Variants in ARMH4 observed in about 807,000 individuals in gnomAD.
The protein encoded by ARMH4 is armadillo like helical domain containing 4.
A neutral mutation model predicts 61.9 loss-of-function variants in ARMH4; 49 were observed. The observed-to-expected ratio is 0.79, with a 90% CI of 0.63 to 1.00. ARMH4 has a LOEUF of 1.00. Among genes scored for constraint, ARMH4 ranks in the 50% least tolerant of loss-of-function variants. The pLI is 0.00. For missense variants in ARMH4, 934 were observed against 930.0 expected (o/e 1.00, Z -0.06); for synonymous variants, 368 against 341.5 (o/e 1.08, Z -0.85).
intron 5 of ARMH4, among the ~76,000 whole-genome samples, chr14:58,081,624 C>A (rs1438299373): frequency 1.3e-5 from 2 of 151,950 alleles, no homozygotes; most frequent in African/African-American, 2.4e-5. Flanking sequence ...CCTCAGCCTC[C>A]CAAGTAGCTG....
chr14:58,134,666 T>C (rs1206642391), intron 2 of ARMH4, among the ~76,000 whole-genome samples: 1 of 152,070 alleles, frequency 6.6e-6, no homozygotes, highest in African/African-American at 2.4e-5. Flanking sequence ...AAAGTTTTTA[T>C]TAATGACAGG....
chr14:58,129,655 T>A (rs1887022188), intron 4 of ARMH4, among the ~76,000 whole-genome samples: 1 of 152,190 alleles, frequency 6.6e-6, no homozygotes, highest in Admixed American at 6.5e-5. Flanking sequence ...AGGAGTCTAG[T>A]AGGTTGATTT....
At chr14:58,104,086 A>G (rs1886088474) in intron 4 of ARMH4, among the ~76,000 whole-genome samples, 1 of 152,204 alleles carries the variant, frequency 6.6e-6, no homozygotes, top group Non-Finnish European at 1.5e-5. Flanking sequence ...CTTGGAGGAC[A>G]CTGCTAGGGT....
chr14:58,074,955 T>C (rs1354746900), intron 5 of ARMH4, among the ~76,000 whole-genome samples: 1 of 152,162 alleles, frequency 6.6e-6, no homozygotes, highest in East Asian at 1.9e-4. Context: ...TGTGGCTTTA[T>C]ATATTAAGAG....
At chr14:58,013,324 T>C (rs545214491) in intron 5 of ARMH4, among the ~76,000 whole-genome samples, 1 of 152,362 alleles carries the variant, frequency 6.6e-6, no homozygotes, top group East Asian at 1.9e-4. Context: ...TTTATGGATA[T>C]TAAAATTTGA....
intron 6 of ARMH4, 123 bp from the exon 7 acceptor site, chr14:58,005,305 A>G (rs1489340290): frequency 2.4e-6 from 3 of 1,257,228 alleles, no homozygotes; most frequent in Non-Finnish European, 1.1e-6. Flanking sequence ...CTTTGTTGTA[A>G]GATAAAACTA....
rs1156774772 is a variant in ARMH4 at position 58,138,852 on chromosome 14, A to C, written c.507T>G (p.Phe169Leu). 6.2e-7 allele frequency: 1 copy of C among 1,614,240 alleles called. No homozygotes were observed. Among genetic ancestry groups the C allele is most frequent in the East Asian group, 2.2e-5 (1 of 44,884 alleles). The change falls in exon 2 of 8, where the codon TTT becomes TTG. Residue 169 changes from phenylalanine (F) to leucine (L), a missense_variant. Transcript: ENST00000267485. ...CTGTGATCTCTTCTACAATGGGCTG[A>C]AAGTTAGTGCTTGTAAGGAGTTCCT... Reference protein sequence around the residue: ...EKEELLTSTNFQPIVEEITET... With the variant: ...EKEELLTSTNLQPIVEEITET...
intron 5 of ARMH4, among the ~76,000 whole-genome samples, chr14:58,029,520 C>A (rs554706224): frequency 6.6e-6 from 1 of 152,260 alleles, no homozygotes; most frequent in African/African-American, 2.4e-5. Flanking sequence ...AGGTGTGAGC[C>A]ACCGTGCCCG....
chr14:58,063,490 T>A (rs969748305), intron 5 of ARMH4, among the ~76,000 whole-genome samples: 2 of 152,324 alleles, frequency 1.3e-5, no homozygotes, highest in Middle Eastern at 3.4e-3. Flanking sequence ...AGAAGATTCA[T>A]GTGTTCTTTT....
At chr14:58,044,600 C>A (rs1472815647) in intron 5 of ARMH4, among the ~76,000 whole-genome samples, 2 of 152,090 alleles carry the variant, frequency 1.3e-5, no homozygotes, top group Non-Finnish European at 2.9e-5. Flanking sequence ...ACAACAAAAG[C>A]CAAAATTGAC....
intron 5 of ARMH4, among the ~76,000 whole-genome samples, chr14:58,046,072 T>G (rs1883926415): frequency 6.6e-6 from 1 of 152,224 alleles, no homozygotes; most frequent in Admixed American, 6.5e-5. Flanking sequence ...ATTTCTCTTG[T>G]AAGCCACCCA....
At chr14:58,110,096 T>A (rs1358902887) in intron 4 of ARMH4, among the ~76,000 whole-genome samples, 1 of 152,168 alleles carries the variant, frequency 6.6e-6, no homozygotes, top group African/African-American at 2.4e-5. Context: ...GGGATTACAA[T>A]TCAAGATGAG....
intron 5 of ARMH4, among the ~76,000 whole-genome samples, chr14:58,043,798 T>C (rs1402600556): frequency 6.6e-6 from 1 of 152,152 alleles, no homozygotes. Context: ...ACAAGCATTC[T>C]TATACACCAA....
At chr14:58,045,558 A>G (rs1488876390) in intron 5 of ARMH4, among the ~76,000 whole-genome samples, 1 of 151,928 alleles carries the variant, frequency 6.6e-6, no homozygotes. Flanking sequence ...ACATGTATAC[A>G]TATGTAACAA....
At chr14:58,058,042 A>G (rs1450861872) in intron 5 of ARMH4, among the ~76,000 whole-genome samples, 1 of 152,222 alleles carries the variant, frequency 6.6e-6, no homozygotes, top group Non-Finnish European at 1.5e-5. Context: ...TTTCCTGTTC[A>G]AATCTAGTTT....
At chr14:58,125,964 G>A (rs973648119) in intron 4 of ARMH4, among the ~76,000 whole-genome samples, 5 of 152,206 alleles carry the variant, frequency 3.3e-5, no homozygotes, top group East Asian at 1.9e-4. Context: ...TCACTAAAAC[G>A]CTAATTAGGC....
At chr14:58,012,074 A>G (rs1338688140) in intron 6 of ARMH4, 45 bp downstream of exon 6, 2 of 1,329,710 alleles carry the variant, frequency 1.5e-6, no homozygotes, top group Non-Finnish European at 2.1e-6. Context: ...TAATAAAGCT[A>G]TATGCCCCTA....
chr14:58,106,933 G>A (rs1022799744), intron 4 of ARMH4, among the ~76,000 whole-genome samples: 1 of 152,062 alleles, frequency 6.6e-6, no homozygotes, highest in Admixed American at 6.6e-5. Flanking sequence ...TCTGTCTAGG[G>A]TTACCAAAAT....
At chr14:58,049,845 T>C (rs977488865) in intron 5 of ARMH4, among the ~76,000 whole-genome samples, 1 of 152,208 alleles carries the variant, frequency 6.6e-6, no homozygotes, top group Non-Finnish European at 1.5e-5. Flanking sequence ...TGTGACACAG[T>C]AAGCTCATCC....
Sources: allele counts gnomAD v4.1 joint callset (sites outside exome capture counted in the v4.1 genomes callset), GRCh38; gene constraint gnomAD v4.1.1; transcripts MANE v1.5; gene names NCBI Gene and HGNC (gene_info 2026-07-23, HGNC 2026-07-21).